Variants in PRKN observed in about 807,000 individuals in gnomAD.
PRKN encodes the protein parkin RBR E3 ubiquitin protein ligase.
Under a neutral mutation model 59.5 loss-of-function variants are expected in PRKN, and 56 were observed. The observed-to-expected ratio is 0.94, with a 90% confidence interval of 0.76 to 1.18. The LOEUF is 1.18. Among genes scored for constraint, PRKN ranks in the 50% most tolerant of loss-of-function variants. The pLI is 0.00. For missense variants in PRKN, 657 were observed against 596.4 expected (o/e 1.10, Z -1.06); for synonymous variants, 250 against 222.1 (o/e 1.13, Z -1.12).
intron 2 of PRKN, among the ~76,000 whole-genome samples, chr6:162,295,078 T>C (rs1290474064): frequency 6.6e-6 from 1 of 152,204 alleles, no homozygotes. Context: ...ATATATTAAC[T>C]AGGCAAGTTG....
At chr6:162,482,136 T>C (rs1320825983) in intron 1 of PRKN, among the ~76,000 whole-genome samples, 1 of 152,184 alleles carries the variant, frequency 6.6e-6, no homozygotes, top group African/African-American at 2.4e-5. Flanking sequence ...TGTGATAACC[T>C]TATCTCCTGG....
chr6:161,462,991 G>C lies in PRKN; in HGVS notation c.1084-76114C>G, dbSNP rs557025721. Among the ~76,000 whole-genome samples, 6 of 152,272 alleles carry C rather than the reference G, an allele frequency of 3.9e-5. No homozygotes were observed. The South Asian group carries it at 1.2e-3, about 32-fold the overall frequency. On this transcript the variant is annotated intron_variant, in intron 9 of 11. Transcript: ENST00000366898. The surrounding 1 kb of genome is among the most constrained non-coding windows in gnomAD (Gnocchi z 4.5). ...GATGTCAGAAGTTCTATGTATAGTAGACTGCAATGTACTGGAAGCAACAGG... is the reference window on the plus strand; with the variant it reads ...GATGTCAGAAGTTCTATGTATAGTACACTGCAATGTACTGGAAGCAACAGG...
rs1790784523 is a variant in PRKN, at chr6:161,471,416, A to G, written c.1083+77438T>C. Among the ~76,000 whole-genome samples the G allele has an allele frequency of 6.6e-6, 1 of 152,214 alleles. No individual in the cohort carries two copies. The stretch of plus-strand genomic sequence containing the variant: ...GAATATTCAATAAGTTCCCAGTATA[A>G]TGTCAGCATTAGACTAGGATGAAAA... On this transcript the variant is annotated intron_variant, in intron 9 of 11. Coordinates refer to ENST00000366898, the MANE Select transcript of PRKN (RefSeq NM_004562.3). The surrounding 1 kb of genome is among the most constrained non-coding windows in gnomAD (Gnocchi z 4.5).
In PRKN at chr6:161,622,810, T is replaced by C. The variant is rs1049487550; in HGVS notation, c.872-53394A>G. 8.5e-5 allele frequency among the ~76,000 whole-genome samples: 13 copies of C among 152,196 alleles called. 2 individuals are homozygous for C. The highest frequency in any genetic ancestry group is 8.5e-4 in the Admixed American group (13 of 15,284). Reference sequence around the variant, plus strand: ...TTCCTTCTGAAATGAATTTTCAAGGTGACTTATTATTCTGTTTAAAACACT... The same window carrying C: ...TTCCTTCTGAAATGAATTTTCAAGGCGACTTATTATTCTGTTTAAAACACT... On this transcript the variant is annotated intron_variant, in intron 7 of 11. Coordinates refer to ENST00000366898, the MANE Select transcript of PRKN (RefSeq NM_004562.3).
rs74987477 is a variant in PRKN, at chr6:161,360,281, C to T, written c.1168-76G>A. ...ATCAGAGTTTATGTTCCCTGTACGTCGGTACAGGAAATTCTTGAAGACAGG... is the reference window on the plus strand; with the variant it reads ...ATCAGAGTTTATGTTCCCTGTACGTTGGTACAGGAAATTCTTGAAGACAGG... On this transcript the variant is annotated intron_variant, in intron 10 of 11. Transcript: ENST00000366898. This position sits in a 1 kb window ranked among gnomAD's most constrained non-coding sequence, Gnocchi z 5.1. 1.1e-5 allele frequency: 13 copies of T among 1,168,864 alleles called. No homozygotes were observed. The highest frequency in any genetic ancestry group is 5.1e-5 in the Admixed American group (3 of 59,302). 72.4% of individuals were successfully genotyped at this position (1,168,864 alleles called of 1,614,324 possible).
At chr6:162,160,155 T>C (rs1782693055) in intron 4 of PRKN, among the ~76,000 whole-genome samples, 1 of 152,178 alleles carries the variant, frequency 6.6e-6, no homozygotes, top group Non-Finnish European at 1.5e-5. Flanking sequence ...ATAAATCTGA[T>C]GAAGAACTTG....
intron 7 of PRKN, among the ~76,000 whole-genome samples, chr6:161,620,924 C>T (rs560146899): frequency 6.6e-6 from 1 of 152,274 alleles, no homozygotes; most frequent in Non-Finnish European, 1.5e-5. Flanking sequence ...AAATGGTCAC[C>T]ATGGAAGGCA....
At chr6:162,006,993 T>C (rs1029266058) in intron 5 of PRKN, among the ~76,000 whole-genome samples, 1 of 151,990 alleles carries the variant, frequency 6.6e-6, no homozygotes, top group African/African-American at 2.4e-5. Flanking sequence ...AAATTATATA[T>C]ACAAGTAAAC....
intron 2 of PRKN, chr6:162,263,225 GGGC>G: frequency 1.4e-5 from 3 of 216,564 alleles, no homozygotes; most frequent in Admixed American, 5.3e-5. Flanking sequence ...GATTATAGGC[GGGC>G]ACCACCACAC....
In PRKN at chr6:162,443,383, C is replaced by G. The variant is rs147757966; in HGVS notation, c.98G>C (p.Arg33Pro). ...IFQLKEVVAK[R>P]QGVPADQLRV... ...CAACTGGTCAGCCGGAACCCCCTGT[C>G]GCTTAGCAACCACCTCCTTGAGCTG... Residue 33 changes from arginine (R) to proline (P), a missense_variant, in exon 2 of 12, where the codon CGA (arginine) becomes CCA (proline). Coordinates refer to ENST00000366898, the MANE Select transcript of PRKN (RefSeq NM_004562.3). 6.2e-7 allele frequency: 1 copy of G among 1,613,848 alleles called. No homozygotes were observed. Among genetic ancestry groups the G allele is most frequent in the Non-Finnish European group, 8.5e-7 (1 of 1,180,038 alleles).
In PRKN at chr6:162,693,442, T is replaced by A. The variant is rs548091349; in HGVS notation, c.7+34220A>T. ...TTCTCAGGTTTTCCTCTTCACATGGTTTTGGGCTGACAGTGAGCAGTGAGC... is the reference window on the plus strand; with the variant it reads ...TTCTCAGGTTTTCCTCTTCACATGGATTTGGGCTGACAGTGAGCAGTGAGC... On this transcript the variant is annotated intron_variant, in intron 1 of 11. Coordinates refer to ENST00000366898, the MANE Select transcript of PRKN (RefSeq NM_004562.3). Among the ~76,000 whole-genome samples the A allele has an allele frequency of 5.9e-5, 9 of 152,310 alleles. No individual in the cohort carries two copies. In the South Asian group the frequency reaches 1.7e-3, roughly 28 times the overall value.
At chr6:162,706,034 CTT>C (rs752042608) in intron 1 of PRKN, among the ~76,000 whole-genome samples, 29 of 150,772 alleles carry the variant, frequency 1.9e-4, no homozygotes, top group East Asian at 1.4e-3. Context: ...CTCACAATCT[CTT>C]GCTATGGTTT....
chr6:161,679,777 T>A (rs184505199), intron 7 of PRKN, among the ~76,000 whole-genome samples: 1 of 109,390 alleles, frequency 9.1e-6, no homozygotes, highest in Non-Finnish European at 1.8e-5. Context: ...TTTTTTGAGA[T>A]GGAGTCTCAC....
intron 5 of PRKN, among the ~76,000 whole-genome samples, chr6:162,021,912 G>A (rs1055057349): frequency 1.3e-4 from 19 of 151,928 alleles, no homozygotes; most frequent in Non-Finnish European, 1.8e-4. Context: ...TGTACCCATC[G>A]TTTAGTTCCC....
chr6:161,943,875 CAGCCTG>C (rs752990762), intron 6 of PRKN, among the ~76,000 whole-genome samples: 31,889 of 122,444 alleles, frequency 0.26, 4,324 homozygotes, highest in Middle Eastern at 0.43. Context: ...CCTGAGGAAG[CAGCCTG>C]AGGGATTGGC....
At chr6:162,138,656 A>T (rs1205331076) in intron 4 of PRKN, among the ~76,000 whole-genome samples, 2 of 152,200 alleles carry the variant, frequency 1.3e-5, no homozygotes, top group African/African-American at 4.8e-5. Context: ...TGTCCAAGGA[A>T]GTAGAGGGAA....
At chr6:162,123,793 G>A (rs905601492) in intron 4 of PRKN, among the ~76,000 whole-genome samples, 3 of 152,160 alleles carry the variant, frequency 2.0e-5, no homozygotes, top group African/African-American at 7.2e-5. Context: ...CAAAGGGTTG[G>A]TCAATATGAA....
chr6:162,020,972 G>A (rs1037998328), intron 5 of PRKN, among the ~76,000 whole-genome samples: 3 of 150,788 alleles, frequency 2.0e-5, no homozygotes, highest in Non-Finnish European at 4.4e-5. Context: ...GCATGGTGGT[G>A]CGCACCTGTA....
chr6:162,227,967 C>T (rs1778254049), intron 3 of PRKN, among the ~76,000 whole-genome samples: 1 of 151,574 alleles, frequency 6.6e-6, no homozygotes, highest in African/African-American at 2.4e-5. Flanking sequence ...ACTTAGTGAC[C>T]TGAGTGACAT....
Sources: gnomAD v4.1 joint callset for allele counts (sites outside exome capture counted in the v4.1 genomes callset) on GRCh38, gnomAD v4.1.1 for gene constraint, Gnocchi (gnomAD v3.1) non-coding constraint, MANE v1.5 for transcripts, NCBI Gene and HGNC (gene_info 2026-07-23, HGNC 2026-07-21) for gene names.